MIEF2: variants seen among roughly 807,000 people sequenced by gnomAD.
MIEF2 encodes mitochondrial dynamics protein MID49.
A neutral mutation model predicts 7.4 loss-of-function variants in MIEF2; 1 was observed. The ratio of observed to expected loss-of-function variants is 0.14; its 90% CI spans 0.05 to 0.64. The LOEUF (loss-of-function observed/expected upper bound fraction) is 0.64, where lower values mean the gene tolerates loss of function less well. Ranked by LOEUF, MIEF2 falls within the 30% of genes least tolerant of loss-of-function variation. The pLI is 0.85. For synonymous variants in MIEF2, 275 were observed against 290.5 expected, an observed-to-expected ratio of 0.95 and a Z score of 0.54; for missense variants, 569 against 623.9, an observed-to-expected ratio of 0.91 and a Z score of 0.94.
intron 1 of MIEF2, among the ~76,000 whole-genome samples, chr17:18,262,121 C>T (rs913247954): frequency 2.0e-5 from 3 of 152,188 alleles, no homozygotes; most frequent in Non-Finnish European, 4.4e-5. Context: ...CTGCTGTGCC[C>T]TCTGGGTAGG....
rs80195006 is a variant in MIEF2 at position 18,262,308 on chromosome 17, C to T, written c.-7-406C>T. On this transcript the variant is annotated intron_variant, in intron 1 of 3. Transcript: ENST00000323019. Reference sequence around the variant, plus strand: ...ACATAGGGGTAGTGATGATGACACCCTGGTGATGTCAGAGGTCCTGGAGGG... The same window carrying T: ...ACATAGGGGTAGTGATGATGACACCTTGGTGATGTCAGAGGTCCTGGAGGG... Among the ~76,000 whole-genome samples the T allele has an allele frequency of 7.6e-3, 1,165 of 152,288 alleles. 10 individuals carry two copies. Among genetic ancestry groups the T allele is most frequent in the Middle Eastern group, 0.037 (11 of 294 alleles).
intron 1 of MIEF2, chr17:18,261,294 G>A: frequency 9.0e-7 from 1 of 1,107,526 alleles, no homozygotes; most frequent in Non-Finnish European, 1.3e-6. Flanking sequence ...CGGGTCACCC[G>A]GTTGGCCTGG....
In MIEF2 at chr17:18,264,031, C is replaced by T. The variant is rs570365504; in HGVS notation, c.632C>T (p.Pro211Leu). 22 of 1,555,092 alleles carry T rather than the reference C, an allele frequency of 1.4e-5. No individual in the cohort carries two copies. The highest frequency in any genetic ancestry group is 6.9e-5 in the East Asian group (3 of 43,526). Residue 211 changes from proline (P) to leucine (L), a missense_variant, in exon 4 of 4, where the codon CCG (proline) becomes CTG (leucine). Coordinates refer to ENST00000323019, the MANE Select transcript of MIEF2 (RefSeq NM_139162.4). Reference protein sequence around the residue: ...VLEPGLWSLVPGVDTVARDPR... With the variant: ...VLEPGLWSLVLGVDTVARDPR... ...GAGCCGGGCCTGTGGAGCCTGGTGC[C>T]GGGCGTGGACACTGTGGCGAGGGAC...
At chr17:18,263,650 G>T in intron 3 of MIEF2, 60 bp from the exon 4 acceptor site, 1 of 1,484,880 alleles carries the variant, frequency 6.7e-7, no homozygotes. Context: ...AGTTCTCGGT[G>T]GCGTTTTCTT....
chr17:18,265,525 G>A lies in MIEF2; in HGVS notation c.*761G>A, dbSNP rs1978700047. 6.6e-6 allele frequency: 1 copy of A among 151,670 alleles called. No individual in the cohort carries two copies. The highest frequency in any genetic ancestry group is 1.5e-5 in the Non-Finnish European group (1 of 67,712). The allele number at this position is 151,670 out of a possible 1,614,324, so 9.4% of individuals were successfully genotyped here. ...CTGTTCCAGGCCCCACTGGAGAGCA[G>A]AGGACCTGATCCCCCACTAGAGAGG... On this transcript the variant is annotated 3_prime_UTR_variant, in exon 4 of 4. Coordinates refer to ENST00000323019, the MANE Select transcript of MIEF2 (RefSeq NM_139162.4).
chr17:18,262,326 C>G (rs113077988), intron 1 of MIEF2, among the ~76,000 whole-genome samples: 2,828 of 152,270 alleles, frequency 0.019, 49 homozygotes, highest in Non-Finnish European at 0.029. Context: ...GTCAGAGGTC[C>G]TGGAGGGTGG....
Position 18,260,730 on chromosome 17 carries a change from C to G in MIEF2, c.-15C>G, listed in dbSNP as rs1166953355. The G allele has an allele frequency of 4.7e-6, 1 of 210,666 alleles. No homozygotes were observed. The highest frequency in any genetic ancestry group is 9.6e-6 in the Non-Finnish European group (1 of 104,424). 13.0% of individuals were successfully genotyped at this position (210,666 alleles called of 1,614,324 possible). ...TCCTCCGGTCGTCGTGCGGAAGCTG[C>G]GACGCAGGTACAGCTGGAGCGCGGC... On this transcript the variant is annotated 5_prime_UTR_variant, in exon 1 of 4. Coordinates refer to ENST00000323019, the MANE Select transcript of MIEF2 (RefSeq NM_139162.4).
intron 3 of MIEF2, 136 bp downstream of exon 3, chr17:18,263,384 G>T: frequency 8.0e-7 from 1 of 1,249,738 alleles, no homozygotes; most frequent in Non-Finnish European, 1.2e-6. Context: ...TTTAATGGGG[G>T]TGGTGTTTCT....
At position 18,263,860 on chromosome 17, in the gene MIEF2, G is replaced by T; in HGVS notation, c.461G>T (p.Gly154Val). 6.2e-7 allele frequency: 1 copy of T among 1,605,366 alleles called. No individual in the cohort carries two copies. The change falls in exon 4 of 4, where the codon GGC (glycine) becomes GTC (valine). Residue 154 changes from glycine to valine, a missense_variant. Transcript: ENST00000323019. ...AQVALAKQLAGDIALELQAYF... is the reference protein window; with the variant it reads ...AQVALAKQLAVDIALELQAYF... The stretch of plus-strand genomic sequence containing the variant: ...GTGGCTTTGGCCAAACAGCTGGCTG[G>T]CGACATCGCCCTGGAGCTGCAGGCC...
Position 18,264,924 on chromosome 17 carries a change from G to A in MIEF2, c.*160G>A. On this transcript the variant is annotated 3_prime_UTR_variant, in exon 4 of 4. Coordinates refer to ENST00000323019, the MANE Select transcript of MIEF2 (RefSeq NM_139162.4). ...CATCAGGATGTGCTTGGGCTATGGTGGCCATAAACCCTGAGCCCAGAGAGC... is the reference window on the plus strand; with the variant it reads ...CATCAGGATGTGCTTGGGCTATGGTAGCCATAAACCCTGAGCCCAGAGAGC... The A allele has an allele frequency of 7.6e-7, 1 of 1,317,498 alleles. No individual in the cohort carries two copies. Among genetic ancestry groups the A allele is most frequent in the Non-Finnish European group, 1.0e-6 (1 of 995,540 alleles). The allele number at this position is 1,317,498 out of a possible 1,614,324, so 81.6% of individuals were successfully genotyped here. A position where few individuals can be genotyped will look rare whatever the true frequency, so the allele number is the denominator to read the frequency against.
chr17:18,262,597 A>C, intron 1 of MIEF2, 117 bp from the exon 2 acceptor site: 2 of 974,868 alleles, frequency 2.1e-6, no homozygotes, highest in Non-Finnish European at 2.8e-6. Context: ...AGCCCCCCTC[A>C]TGGGCTCAGC....
intron 1 of MIEF2, 82 bp from the exon 2 acceptor site, chr17:18,262,632 T>C (rs2142903071): frequency 7.5e-7 from 1 of 1,336,946 alleles, no homozygotes; most frequent in East Asian, 2.6e-5. Flanking sequence ...TAAGGACAGC[T>C]AGAGCACCTG....
intron 2 of MIEF2, 84 bp downstream of exon 2, chr17:18,262,951 G>T (rs1978496602): frequency 6.5e-6 from 10 of 1,528,158 alleles, no homozygotes; most frequent in Non-Finnish European, 7.9e-6. Flanking sequence ...CTGGGGAGGG[G>T]TGGGGACTGC....
At chr17:18,262,938 G>C in intron 2 of MIEF2, 71 bp downstream of exon 2, 4 of 1,523,802 alleles carry the variant, frequency 2.6e-6, no homozygotes, top group East Asian at 2.3e-5. Context: ...TTTCAGAGGG[G>C]CCCTGGGGAG....
intron 3 of MIEF2, 106 bp from the exon 4 acceptor site, chr17:18,263,604 G>C: frequency 7.1e-7 from 1 of 1,402,416 alleles, no homozygotes; most frequent in African/African-American, 1.4e-5. Flanking sequence ...TGCCACTGCA[G>C]GTGAGAAAAG....
chr17:18,261,202 T>C, intron 1 of MIEF2: 1 of 1,549,258 alleles, frequency 6.5e-7, no homozygotes. Context: ...GCAAAGTAGA[T>C]TCCTGGTCTC....
In MIEF2 at chr17:18,264,551, T is replaced by G. The variant is rs1298191458; in HGVS notation, c.1152T>G (p.Arg384=). ...GRGHLTQVVL[R]LGEDNVDWTE... is the part of the protein sequence containing the mutation. The stretch of plus-strand genomic sequence containing the variant: ...GTCACCTGACCCAGGTGGTCCTGCG[T>G]CTGGGGGAGGACAACGTGGATTGGA... The change falls in exon 4 of 4, where the codon CGT becomes CGG. Residue 384 remains arginine, a synonymous_variant. Coordinates refer to ENST00000323019, the MANE Select transcript of MIEF2 (RefSeq NM_139162.4). 6.2e-7 allele frequency: 1 copy of G among 1,610,758 alleles called. No homozygotes were observed. Among genetic ancestry groups the G allele is most frequent in the Non-Finnish European group, 8.5e-7 (1 of 1,179,876 alleles).
At chr17:18,261,281 T>C in intron 1 of MIEF2, 1 of 1,250,334 alleles carries the variant, frequency 8.0e-7, no homozygotes, top group Non-Finnish European at 1.1e-6. Flanking sequence ...CCTGGGGCCG[T>C]GGCGGGTCAC....
Position 18,260,827 on chromosome 17 carries a change from G to A in MIEF2, c.-8+90G>A, listed in dbSNP as rs138902280. On this transcript the variant is annotated intron_variant, in intron 1 of 3. Transcript: ENST00000323019. ...AACGCAGATCGGGGGCGTGGCCCGC[G>A]ATCACCGCTGGGGAAGGCGGGGAGG... is the stretch of plus-strand genomic sequence containing the variant. The A allele has an allele frequency of 3.3e-3, 1,252 of 379,228 alleles. 18 individuals carry two copies. Among genetic ancestry groups the A allele is most frequent in the African/African-American group, 0.024 (1,121 of 47,318 alleles). The allele number at this position is 379,228 out of a possible 1,614,324, so 23.5% of individuals were successfully genotyped here. A position where few individuals can be genotyped will look rare whatever the true frequency, so the allele number is the denominator to read the frequency against.
Sources: allele counts gnomAD v4.1 joint callset (sites outside exome capture counted in the v4.1 genomes callset), GRCh38; gene constraint gnomAD v4.1.1; transcripts MANE v1.5; gene names NCBI Gene and HGNC (gene_info 2026-07-23, HGNC 2026-07-21).